The following CREB3L1 variants were observed in gnomAD, a reference collection of about 807,000 sequenced individuals.
CREB3L1 encodes cAMP responsive element binding protein 3 like 1.
In CREB3L1, 33 loss-of-function variants were observed where a neutral mutation model predicts 54.5. That is an observed-to-expected ratio of 0.61 (90% CI 0.46 to 0.81). The LOEUF is 0.81. CREB3L1 is among the 30% of genes least tolerant of loss of function. The pLI is 0.00. For missense variants in CREB3L1, 656 were observed against 673.3 expected, an observed-to-expected ratio of 0.97 and a Z score of 0.29; for synonymous variants, 284 against 286.4, an observed-to-expected ratio of 0.99 and a Z score of 0.08.
chr11:46,286,258 T>C (rs1041898752), intron 1 of CREB3L1, among the ~76,000 whole-genome samples: 1 of 152,144 alleles, frequency 6.6e-6, no homozygotes, highest in African/African-American at 2.4e-5. Context: ...GGATAGATAG[T>C]AAAAGAAAGG....
Position 46,278,174 on chromosome 11 carries a change from C to T in CREB3L1, c.63C>T (p.Asp21=), listed in dbSNP as rs1938906745. The T allele has an allele frequency of 3.8e-6, 6 of 1,577,562 alleles. No individual in the cohort carries two copies. The highest frequency in any genetic ancestry group is 1.7e-4 in the Middle Eastern group (1 of 6,012). The change falls in exon 1 of 12, where the codon GAC becomes GAT. Residue 21 remains aspartate (D), a synonymous_variant. Transcript: ENST00000621158. The surrounding 1 kb of genome is among the most constrained non-coding windows in gnomAD (Gnocchi z 4.2). ...DRLFPGSSFL[D]LGDLNESDFL... ...TGTTCCCCGGATCCAGCTTCCTGGA[C>T]TTGGGGGATCTGAACGAGTCGGACT...
chr11:46,299,275 A>G (rs1033791026), intron 1 of CREB3L1, among the ~76,000 whole-genome samples: 2 of 152,082 alleles, frequency 1.3e-5, no homozygotes, highest in African/African-American at 4.8e-5. Context: ...GGAGGCCACC[A>G]TTCGAACCTA....
intron 1 of CREB3L1, among the ~76,000 whole-genome samples, chr11:46,291,863 T>C (rs1939135555): frequency 6.6e-6 from 1 of 152,138 alleles, no homozygotes; most frequent in Non-Finnish European, 1.5e-5. Flanking sequence ...ATACCACTCC[T>C]TCCAAAAATA....
At chr11:46,309,930 T>A in intron 3 of CREB3L1, 59 bp from the exon 4 acceptor site, 1 of 1,386,250 alleles carries the variant, frequency 7.2e-7, no homozygotes, top group Non-Finnish European at 1.0e-6. Flanking sequence ...GGTGGGTAGA[T>A]GGCATGGTGG....
At chr11:46,304,275 C>G (rs1939344203) in intron 2 of CREB3L1, among the ~76,000 whole-genome samples, 1 of 152,146 alleles carries the variant, frequency 6.6e-6, no homozygotes, top group Non-Finnish European at 1.5e-5. Flanking sequence ...GAGTTCAAGG[C>G]CAGCCTAACC....
intron 1 of CREB3L1, among the ~76,000 whole-genome samples, chr11:46,289,801 C>T (rs1005971883): frequency 2.6e-5 from 4 of 152,178 alleles, no homozygotes; most frequent in African/African-American, 9.7e-5. Flanking sequence ...TCTGACAGTC[C>T]TTGAGTATCA....
At chr11:46,290,749 T>G (rs373094450) in intron 1 of CREB3L1, among the ~76,000 whole-genome samples, 9 of 119,754 alleles carry the variant, frequency 7.5e-5, no homozygotes, top group East Asian at 2.4e-4. Context: ...GCCAAGGGGG[T>G]GGGCGGAGGC....
intron 1 of CREB3L1, among the ~76,000 whole-genome samples, chr11:46,283,678 G>C (rs936644698): frequency 1.3e-5 from 2 of 151,780 alleles, no homozygotes; most frequent in Admixed American, 6.6e-5. Context: ...CCAAGAGTTT[G>C]AGACCAGCCT....
intron 4 of CREB3L1, 67 bp from the exon 5 acceptor site, chr11:46,310,965 G>C: frequency 6.7e-7 from 1 of 1,494,932 alleles, no homozygotes; most frequent in Non-Finnish European, 8.9e-7. Context: ...ATGCTCAGCT[G>C]AACTCATGAT....
chr11:46,300,184 G>C (rs1939275144), intron 2 of CREB3L1, 21 bp downstream of exon 2: 6 of 1,583,448 alleles, frequency 3.8e-6, no homozygotes, highest in Non-Finnish European at 4.3e-6. Context: ...GAAGAACCTG[G>C]GGACAGCACA....
At chr11:46,280,349 G>A (rs1305619842) in intron 1 of CREB3L1, among the ~76,000 whole-genome samples, 1 of 151,768 alleles carries the variant, frequency 6.6e-6, no homozygotes, top group Non-Finnish European at 1.5e-5. Context: ...CACCACGCCC[G>A]GCTAATTTTT....
intron 1 of CREB3L1, among the ~76,000 whole-genome samples, chr11:46,284,181 C>T (rs897482012): frequency 1.1e-4 from 16 of 152,056 alleles, no homozygotes; most frequent in Admixed American, 6.5e-5. Flanking sequence ...CAATCGCGGA[C>T]GAATGAGAGA....
At position 46,277,906 on chromosome 11, in the gene CREB3L1, G is replaced by A; in HGVS notation, c.-206G>A. On this transcript the variant is annotated 5_prime_UTR_variant, in exon 1 of 12. Coordinates refer to ENST00000621158, the MANE Select transcript of CREB3L1 (RefSeq NM_052854.4). The stretch of plus-strand genomic sequence containing the variant: ...CGCCCGGGGCCCCTGAGCCCATCCC[G>A]CTCCTAGCCGCTGCCCTAAGGCCCC... The A allele has an allele frequency of 2.6e-6, 1 of 383,758 alleles. No individual in the cohort carries two copies. Among genetic ancestry groups the A allele is most frequent in the Non-Finnish European group, 4.6e-6 (1 of 217,152 alleles). The allele number at this position is 383,758 out of a possible 1,614,324, so 23.8% of individuals were successfully genotyped here. A position where few individuals can be genotyped will look rare whatever the true frequency, so the allele number is the denominator to read the frequency against.
intron 1 of CREB3L1, among the ~76,000 whole-genome samples, chr11:46,282,540 GC>G (rs1376687432): frequency 2.0e-5 from 3 of 152,136 alleles, no homozygotes; most frequent in Non-Finnish European, 4.4e-5. Flanking sequence ...CTGCCTCAGA[GC>G]CCTTGCACAT....
At chr11:46,285,375 C>T (rs944638521) in intron 1 of CREB3L1, among the ~76,000 whole-genome samples, 2 of 152,130 alleles carry the variant, frequency 1.3e-5, no homozygotes, top group African/African-American at 4.8e-5. Flanking sequence ...CTCTGTGTAA[C>T]CCTCTTGAGC....
At chr11:46,298,576 G>GGTGGAC (rs1290406555) in intron 1 of CREB3L1, among the ~76,000 whole-genome samples, 1 of 152,132 alleles carries the variant, frequency 6.6e-6, no homozygotes, top group East Asian at 1.9e-4. Flanking sequence ...GTGCGCACCT[G>GGTGGAC]TAGTCCCGGC....
Position 46,300,156 on chromosome 11 carries a change from C to T in CREB3L1, c.324C>T (p.Thr108=). The change falls in exon 2 of 12, where the codon ACC becomes ACT. Residue 108 remains threonine (T), a synonymous_variant. Transcript: ENST00000621158. ...SPLVPIKMED[T]TQDAEHGAWA... The stretch of plus-strand genomic sequence containing the variant: ...TTGTGCCCATCAAGATGGAGGACAC[C>T]ACCCAAGGTAAGAGGTGGAAGAACC... The T allele has an allele frequency of 6.2e-7, 1 of 1,611,228 alleles. No individual in the cohort carries two copies. The highest frequency in any genetic ancestry group is 1.7e-5 in the Admixed American group (1 of 59,540).
chr11:46,305,031 C>G (rs1939359104), intron 2 of CREB3L1, among the ~76,000 whole-genome samples: 1 of 152,162 alleles, frequency 6.6e-6, no homozygotes, highest in Non-Finnish European at 1.5e-5. Context: ...GGCCTGGCCT[C>G]CAAGGTGGTC....
chr11:46,314,413 G>A (rs976353231), intron 8 of CREB3L1, among the ~76,000 whole-genome samples: 2 of 151,920 alleles, frequency 1.3e-5, no homozygotes, highest in African/African-American at 4.8e-5. Context: ...TTGAGATAGG[G>A]TCTCACTCTG....
Sources: gnomAD v4.1 joint callset for allele counts (sites outside exome capture counted in the v4.1 genomes callset) on GRCh38, gnomAD v4.1.1 for gene constraint, Gnocchi (gnomAD v3.1) non-coding constraint, MANE v1.5 for transcripts, NCBI Gene and HGNC (gene_info 2026-07-23, HGNC 2026-07-21) for gene names.